Variants in ROBO2 observed in about 807,000 individuals in gnomAD.
ROBO2 encodes the protein roundabout guidance receptor 2, also known as roundabout homolog 2.
In ROBO2, 53 loss-of-function variants were observed where a neutral mutation model predicts 160.8. The ratio of observed to expected loss-of-function variants is 0.33; its 90% CI spans 0.26 to 0.41. The LOEUF (loss-of-function observed/expected upper bound fraction) is 0.41, where lower values mean the gene tolerates loss of function less well. Ranked by LOEUF, ROBO2 falls within the 10% of genes least tolerant of loss-of-function variation. The pLI is 1.00. For missense variants in ROBO2, 1,577 were observed against 1,722.4 expected, an observed-to-expected ratio of 0.92 and a Z score of 1.49; for synonymous variants, 664 against 611.7, an observed-to-expected ratio of 1.09 and a Z score of -1.26.
chr3:75,953,053 T>C (rs1296287078), intron 2 of ROBO2, among the ~76,000 whole-genome samples: 2 of 151,966 alleles, frequency 1.3e-5, no homozygotes, highest in African/African-American at 2.4e-5. Flanking sequence ...TTAGTGATCA[T>C]GAATAAGGCT....
chr3:77,020,107 TG>T (rs1413203695), intron 2 of ROBO2, among the ~76,000 whole-genome samples: 1 of 152,184 alleles, frequency 6.6e-6, no homozygotes, highest in African/African-American at 2.4e-5. Flanking sequence ...AAAGGGGACA[TG>T]GGTTTTTAAA....
intron 2 of ROBO2, among the ~76,000 whole-genome samples, chr3:76,002,604 T>C (rs1170798271): frequency 2.0e-5 from 3 of 152,146 alleles, no homozygotes; most frequent in Admixed American, 2.0e-4. Context: ...GAGCCTTTAA[T>C]CTTCTGCCAT....
chr3:77,103,631 T>C (rs1328256136), intron 2 of ROBO2, among the ~76,000 whole-genome samples: 5 of 152,146 alleles, frequency 3.3e-5, no homozygotes, highest in African/African-American at 4.8e-5. Flanking sequence ...TTTTCTCTTA[T>C]TTTTTGTCTT....
chr3:75,982,875 A>C (rs1040633752), intron 2 of ROBO2, among the ~76,000 whole-genome samples: 9 of 151,484 alleles, frequency 5.9e-5, no homozygotes, highest in African/African-American at 1.9e-4. Context: ...TGTGACCTTC[A>C]TAAGTGGTAT....
At chr3:77,316,890 G>T in intron 2 of ROBO2, 2 of 1,169,036 alleles carry the variant, frequency 1.7e-6, no homozygotes, top group South Asian at 1.2e-5. Flanking sequence ...GGCTGGAGTT[G>T]TTCACTTTAG....
At chr3:76,149,889 ACAT>A (rs2072092340) in intron 2 of ROBO2, among the ~76,000 whole-genome samples, 2 of 144,758 alleles carry the variant, frequency 1.4e-5, no homozygotes, top group Non-Finnish European at 3.0e-5. Context: ...TCTAAAGCAC[ACAT>A]CATCTGTCTA....
chr3:76,744,277 T>C (rs1464913141), intron 2 of ROBO2, among the ~76,000 whole-genome samples: 1 of 151,976 alleles, frequency 6.6e-6, no homozygotes, highest in Non-Finnish European at 1.5e-5. Flanking sequence ...TCTCCGCCTG[T>C]TACTTCTTCT....
intron 2 of ROBO2, among the ~76,000 whole-genome samples, chr3:76,109,424 A>T (rs1282890821): frequency 6.6e-6 from 1 of 152,014 alleles, no homozygotes; most frequent in Non-Finnish European, 1.5e-5. Flanking sequence ...ACTACTAATA[A>T]TACCATATGT....
At chr3:76,995,799 T>G (rs528610053) in intron 2 of ROBO2, among the ~76,000 whole-genome samples, 2 of 152,318 alleles carry the variant, frequency 1.3e-5, no homozygotes, top group East Asian at 3.9e-4. Flanking sequence ...GATGGGGTTG[T>G]TTGTTTTTTT....
intron 2 of ROBO2, among the ~76,000 whole-genome samples, chr3:77,203,361 C>T (rs1004092871): frequency 2.0e-5 from 3 of 152,036 alleles, no homozygotes; most frequent in Non-Finnish European, 2.9e-5. Context: ...GGTACTGTTA[C>T]GGCATATTGA....
At chr3:77,279,141 CT>C (rs1486492844) in intron 2 of ROBO2, among the ~76,000 whole-genome samples, 1 of 151,922 alleles carries the variant, frequency 6.6e-6, no homozygotes, top group Non-Finnish European at 1.5e-5. Flanking sequence ...GAAAACGTCT[CT>C]TTTTTTCACG....
At chr3:76,226,340 T>G (rs1023634193) in intron 2 of ROBO2, among the ~76,000 whole-genome samples, 1 of 152,124 alleles carries the variant, frequency 6.6e-6, no homozygotes, top group African/African-American at 2.4e-5. Flanking sequence ...AAAATTCTTC[T>G]GTGTCCTGAG....
rs186599459 is a variant in ROBO2 at position 77,632,443 on chromosome 3, C to G, written c.3761-2427C>G. On this transcript the variant is annotated intron_variant, in intron 23 of 25. Transcript: ENST00000461745. Reference sequence around the variant, plus strand: ...AAGCAGATGAGATTTTCAATATATACAACTCACTAGACAACTACATTTGTT... The same window carrying G: ...AAGCAGATGAGATTTTCAATATATAGAACTCACTAGACAACTACATTTGTT... The G allele has an allele frequency of 3.6e-5, 53 of 1,488,078 alleles. No homozygotes were observed. In the Admixed American group the frequency reaches 8.9e-4, roughly 25 times the overall value. The allele number at this position is 1,488,078 out of a possible 1,614,324, so 92.2% of individuals were successfully genotyped here.
intron 2 of ROBO2, among the ~76,000 whole-genome samples, chr3:77,444,627 TAGC>T (rs2080278484): frequency 6.6e-6 from 1 of 152,198 alleles, no homozygotes; most frequent in African/African-American, 2.4e-5. Flanking sequence ...ATTATTGATT[TAGC>T]AGCATTGACA....
chr3:77,580,863 G>T (rs922065895), intron 16 of ROBO2, among the ~76,000 whole-genome samples: 1 of 152,042 alleles, frequency 6.6e-6, no homozygotes, highest in Non-Finnish European at 1.5e-5. Flanking sequence ...AATACCTAGG[G>T]TCTAATGTCT....
At chr3:76,792,694 G>A (rs184992879) in intron 2 of ROBO2, among the ~76,000 whole-genome samples, 6 of 151,610 alleles carry the variant, frequency 4.0e-5, no homozygotes, top group African/African-American at 7.2e-5. Flanking sequence ...ACAAGGAGAC[G>A]ATGTTGGTTT....
intron 2 of ROBO2, among the ~76,000 whole-genome samples, chr3:76,260,846 T>C (rs913719339): frequency 6.6e-6 from 1 of 152,036 alleles, no homozygotes; most frequent in Non-Finnish European, 1.5e-5. Flanking sequence ...TCAAAAACAG[T>C]GAAAGATAGC....
chr3:76,817,282 A>C (rs2065757345), intron 2 of ROBO2, among the ~76,000 whole-genome samples: 2 of 152,204 alleles, frequency 1.3e-5, no homozygotes, highest in South Asian at 4.1e-4. Context: ...TAAACAAAGA[A>C]TGGGATGCTA....
At chr3:77,260,769 C>T (rs1249389027) in intron 2 of ROBO2, among the ~76,000 whole-genome samples, 5 of 152,122 alleles carry the variant, frequency 3.3e-5, no homozygotes, top group Admixed American at 2.0e-4. Context: ...TCCTGATCAT[C>T]GAGCCCCCGA....
Sources: gnomAD v4.1 joint callset for allele counts (sites outside exome capture counted in the v4.1 genomes callset) on GRCh38, gnomAD v4.1.1 for gene constraint, MANE v1.5 for transcripts, NCBI Gene and HGNC (gene_info 2026-07-23, HGNC 2026-07-21) for gene names.